PRIM2: variants seen among roughly 807,000 people sequenced by gnomAD.
PRIM2 encodes DNA primase large subunit.
PRIM2 carries 39 observed loss-of-function variants against 67.3 expected under a neutral mutation model. That is an observed-to-expected ratio of 0.58 (90% CI 0.45 to 0.76). The LOEUF is 0.76. PRIM2 is among the 30% of genes least tolerant of loss of function. The probability of loss-of-function intolerance (pLI) is 0.00; values close to 1 mark genes in which losing one functional copy is unlikely to be tolerated. For missense variants in PRIM2, 398 were observed against 598.7 expected, an observed-to-expected ratio of 0.66 and a Z score of 3.50; for synonymous variants, 143 against 198.7, an observed-to-expected ratio of 0.72 and a Z score of 2.36.
At chr6:57,489,882 G>C (rs1307699226) in intron 7 of PRIM2, among the ~76,000 whole-genome samples, 115 of 152,038 alleles carry the variant, frequency 7.6e-4, no homozygotes, top group Non-Finnish European at 7.9e-4. Context: ...GTAGGGCGCA[G>C]GGTGTCCTGA....
At chr6:57,383,397 C>T (rs1225416547) in intron 7 of PRIM2, 2 of 152,110 alleles carry the variant, frequency 1.3e-5, no homozygotes, top group Non-Finnish European at 2.9e-5. Flanking sequence ...ACCCCAGTCT[C>T]CATGACAACC....
intron 5 of PRIM2, among the ~76,000 whole-genome samples, chr6:57,353,599 G>A (rs1274767716): frequency 2.6e-5 from 4 of 152,176 alleles, no homozygotes; most frequent in Non-Finnish European, 5.9e-5. Flanking sequence ...GGTTTTGGTG[G>A]TATTTATAGC....
the PRIM2 span, among the ~76,000 whole-genome samples, chr6:57,269,082 T>A: frequency 6.6e-6 from 1 of 152,092 alleles, no homozygotes; most frequent in Non-Finnish European, 1.5e-5. Flanking sequence ...TGAATAGTGC[T>A]GCAATAAACA....
the PRIM2 span, among the ~76,000 whole-genome samples, chr6:57,267,636 C>T: frequency 4.0e-5 from 6 of 151,596 alleles, no homozygotes; most frequent in South Asian, 2.1e-4. Context: ...TTGACATGCA[C>T]GGTGGCTCAC....
chr6:57,293,889 A>T, the PRIM2 span, among the ~76,000 whole-genome samples: 7 of 152,150 alleles, frequency 4.6e-5, no homozygotes, highest in African/African-American at 1.7e-4. Context: ...TGGGTGCAGC[A>T]AACCAACATG....
chr6:57,634,864 TCTAA>T (rs1317352442), intron 13 of PRIM2, among the ~76,000 whole-genome samples: 41 of 152,092 alleles, frequency 2.7e-4, no homozygotes, highest in Middle Eastern at 3.4e-3. Context: ...ATAAAAATAG[TCTAA>T]CTAACTTAAA....
At chr6:57,454,376 T>C (rs1347574584) in intron 7 of PRIM2, among the ~76,000 whole-genome samples, 2 of 152,222 alleles carry the variant, frequency 1.3e-5, no homozygotes, top group African/African-American at 4.8e-5. Context: ...CAGTTCCTTC[T>C]TGTACCTCTG....
chr6:57,528,777 T>A (rs2127466958), intron 8 of PRIM2, among the ~76,000 whole-genome samples: 1 of 152,364 alleles, frequency 6.6e-6, no homozygotes, highest in South Asian at 2.1e-4. Flanking sequence ...AGGATCATGC[T>A]GTTGTCTCTC....
chr6:57,422,845 G>A (rs759720002), intron 7 of PRIM2, among the ~76,000 whole-genome samples: 2 of 152,100 alleles, frequency 1.3e-5, no homozygotes, highest in Non-Finnish European at 2.9e-5. Context: ...GATACCAAGA[G>A]CTAAGAAAGG....
At chr6:57,567,895 A>G (rs1775777626) in intron 10 of PRIM2, among the ~76,000 whole-genome samples, 1 of 152,190 alleles carries the variant, frequency 6.6e-6, no homozygotes, top group African/African-American at 2.4e-5. Flanking sequence ...GCCTGTAACT[A>G]TAATTCTGCA....
At chr6:57,590,522 T>G (rs1198207779) in intron 10 of PRIM2, among the ~76,000 whole-genome samples, 1 of 151,914 alleles carries the variant, frequency 6.6e-6, no homozygotes, top group Middle Eastern at 3.2e-3. Context: ...TAAGAGGAAA[T>G]AAACGTCACG....
chr6:57,548,151 A>C (rs1488497368), intron 10 of PRIM2, among the ~76,000 whole-genome samples: 2 of 152,162 alleles, frequency 1.3e-5, no homozygotes, highest in Non-Finnish European at 2.9e-5. Flanking sequence ...GTAATTTATA[A>C]AGAAGAGAAA....
intron 7 of PRIM2, among the ~76,000 whole-genome samples, chr6:57,454,452 G>T (rs1470801886): frequency 2.1e-4 from 32 of 152,074 alleles, no homozygotes; most frequent in Non-Finnish European, 3.4e-4. Flanking sequence ...ATTAATTATT[G>T]CCTCAATTTC....
chr6:57,348,458 T>C (rs1768749684), intron 5 of PRIM2, among the ~76,000 whole-genome samples: 1 of 152,018 alleles, frequency 6.6e-6, no homozygotes, highest in Admixed American at 6.6e-5. Flanking sequence ...TGGACTTGAG[T>C]TGGTTTTTTT....
intron 5 of PRIM2, among the ~76,000 whole-genome samples, chr6:57,341,298 G>T (rs982776119): frequency 6.6e-6 from 1 of 152,154 alleles, no homozygotes; most frequent in East Asian, 1.9e-4. Flanking sequence ...ATAGAGTATA[G>T]AAAACATTAT....
chr6:57,642,433 A>ACCTTTTT (rs1444848326), intron 13 of PRIM2, among the ~76,000 whole-genome samples: 89 of 107,046 alleles, frequency 8.3e-4, no homozygotes, highest in East Asian at 3.1e-3. Context: ...TAAATATTAT[A>ACCTTTTT]TCTTTTTTTT....
At chr6:57,237,224 T>C in the PRIM2 span, among the ~76,000 whole-genome samples, 5 of 152,212 alleles carry the variant, frequency 3.3e-5, no homozygotes, top group Non-Finnish European at 7.3e-5. Flanking sequence ...TTTTGAGAAG[T>C]GTCTGTTCAT....
At chr6:57,249,362 A>AG in the PRIM2 span, among the ~76,000 whole-genome samples, 1 of 152,314 alleles carries the variant, frequency 6.6e-6, no homozygotes, top group East Asian at 1.9e-4. Flanking sequence ...GCTTAGATTG[A>AG]GGGTAAGAAT....
At chr6:57,348,110 C>G (rs189481481) in intron 5 of PRIM2, among the ~76,000 whole-genome samples, 1 of 151,900 alleles carries the variant, frequency 6.6e-6, no homozygotes, top group African/African-American at 2.4e-5. Flanking sequence ...GTAGCTTTCT[C>G]GGTATAATAT....
Sources: gnomAD v4.1 joint callset for allele counts (sites outside exome capture counted in the v4.1 genomes callset) on GRCh38, gnomAD v4.1.1 for gene constraint, MANE v1.5 for transcripts, NCBI Gene and HGNC (gene_info 2026-07-23, HGNC 2026-07-21) for gene names.